Variants in PTPRK observed in about 807,000 individuals in gnomAD.
PTPRK encodes the protein receptor-type tyrosine-protein phosphatase kappa.
Under a neutral mutation model 178.0 loss-of-function variants are expected in PTPRK, and 75 were observed. That is an observed-to-expected ratio of 0.42 (90% CI 0.35 to 0.51). The LOEUF is 0.51. Among genes scored for constraint, PTPRK ranks in the 20% least tolerant of loss-of-function variants. The pLI, the probability that PTPRK is intolerant of heterozygous loss-of-function variation, is 0.02. For synonymous variants in PTPRK, 637 were observed against 620.6 expected (o/e 1.03, Z -0.39); for missense variants, 1,441 against 1,797.8 (o/e 0.80, Z 3.59).
chr6:128,048,550 C>T lies in PTPRK; in HGVS notation c.2194+16208G>A, dbSNP rs76588298. On this transcript the variant is annotated intron_variant, in intron 13 of 29. Coordinates refer to ENST00000368226, the MANE Select transcript of PTPRK (RefSeq NM_002844.4). ...GATAACTGTATATAAAGTAGTAATG[C>T]CCTAGACACATTCTTCCAGTATTTC... Among the ~76,000 whole-genome samples the T allele has an allele frequency of 9.5e-3, 1,440 of 152,268 alleles. 7 individuals carry two copies. Among genetic ancestry groups the T allele is most frequent in the Non-Finnish European group, 0.017 (1,124 of 68,022 alleles).
chr6:128,029,054 A>C (rs540907879), intron 13 of PTPRK, among the ~76,000 whole-genome samples: 6 of 152,118 alleles, frequency 3.9e-5, no homozygotes, highest in African/African-American at 1.2e-4. Flanking sequence ...TCCAAATCTC[A>C]TGCTGAGATG....
intron 1 of PTPRK, among the ~76,000 whole-genome samples, chr6:128,469,903 C>G (rs1850385273): frequency 6.6e-6 from 1 of 152,030 alleles, no homozygotes; most frequent in South Asian, 2.1e-4. Flanking sequence ...CTAGAATAGG[C>G]AAGGAAATGG....
At chr6:128,126,760 G>A (rs1793447684) in intron 7 of PTPRK, among the ~76,000 whole-genome samples, 1 of 152,210 alleles carries the variant, frequency 6.6e-6, no homozygotes, top group Non-Finnish European at 1.5e-5. Flanking sequence ...AAGTGCTGAG[G>A]TTATAGGGGT....
At chr6:128,192,546 G>A (rs546888019) in intron 6 of PTPRK, among the ~76,000 whole-genome samples, 1 of 152,200 alleles carries the variant, frequency 6.6e-6, no homozygotes, top group South Asian at 2.1e-4. Flanking sequence ...TCAGCTGGGA[G>A]CAGTGGCTCA....
At chr6:128,503,381 C>T (rs1463403086) in intron 1 of PTPRK, among the ~76,000 whole-genome samples, 2 of 152,186 alleles carry the variant, frequency 1.3e-5, no homozygotes, top group Non-Finnish European at 2.9e-5. Flanking sequence ...CTTAACTAAT[C>T]ACCCAGGAGT....
intron 14 of PTPRK, among the ~76,000 whole-genome samples, chr6:128,005,831 G>C (rs77488803): frequency 1.6e-5 from 2 of 127,020 alleles, no homozygotes; most frequent in African/African-American, 5.8e-5. Context: ...AAAAGTAGCT[G>C]GACATACAGA....
chr6:128,438,534 A>C (rs898061130), intron 1 of PTPRK, among the ~76,000 whole-genome samples: 1 of 152,232 alleles, frequency 6.6e-6, no homozygotes, highest in Non-Finnish European at 1.5e-5. Context: ...ACTTCTGTCC[A>C]ACTAACTACT....
At chr6:128,188,707 T>C (rs922708466) in intron 6 of PTPRK, among the ~76,000 whole-genome samples, 5 of 152,126 alleles carry the variant, frequency 3.3e-5, no homozygotes, top group Admixed American at 1.3e-4. Context: ...TACCACTCGG[T>C]CAAAATCAAG....
intron 1 of PTPRK, among the ~76,000 whole-genome samples, chr6:128,470,911 CTTT>C (rs35084056): frequency 3.6e-5 from 5 of 137,642 alleles, no homozygotes; most frequent in Non-Finnish European, 3.2e-5. Flanking sequence ...TTCTTTCTTC[CTTT>C]TTTTTTTTTT....
chr6:128,061,880 A>G (rs1780894649), intron 13 of PTPRK, among the ~76,000 whole-genome samples: 1 of 152,106 alleles, frequency 6.6e-6, no homozygotes, highest in Non-Finnish European at 1.5e-5. Flanking sequence ...TTACCTATCT[A>G]CCTATATATC....
intron 6 of PTPRK, among the ~76,000 whole-genome samples, chr6:128,208,971 C>G (rs946349207): frequency 6.6e-6 from 1 of 152,084 alleles, no homozygotes; most frequent in Non-Finnish European, 1.5e-5. Flanking sequence ...ATATCCCAAA[C>G]AAAAATCTAG....
rs1858699315 is a variant in PTPRK, at chr6:128,519,668, G to A, written c.100+591C>T. ...CTCCGCCAACACACACACAGAACAT[G>A]CTCCAAGCAGTGCCCGAGCGCACAG... On this transcript the variant is annotated intron_variant, in intron 1 of 29. Transcript: ENST00000368226. The surrounding 1 kb of genome is among the most constrained non-coding windows in gnomAD (Gnocchi z 4.3). Among the ~76,000 whole-genome samples, 1 of 152,206 alleles carries A rather than the reference G, an allele frequency of 6.6e-6. No homozygotes were observed. The highest frequency in any genetic ancestry group is 1.5e-5 in the Non-Finnish European group (1 of 68,046).
rs113372834 is a variant in PTPRK at position 128,021,768 on chromosome 6, T to C, written c.2195-12500A>G. ...ATTTGAACTTTAAATCACAGCCTAA[T>C]AGAGGTAGGCTGGAGTTTTAGAAGG... On this transcript the variant is annotated intron_variant, in intron 13 of 29. Transcript: ENST00000368226. 9.4e-3 allele frequency among the ~76,000 whole-genome samples: 1,429 copies of C among 152,364 alleles called. 25 individuals carry two copies. The highest frequency in any genetic ancestry group is 0.033 in the African/African-American group (1,366 of 41,586).
intron 7 of PTPRK, among the ~76,000 whole-genome samples, chr6:128,099,372 C>T (rs1372314250): frequency 6.6e-6 from 1 of 151,598 alleles, no homozygotes; most frequent in African/African-American, 2.4e-5. Context: ...CTAAGAGGGC[C>T]CAGTTTTAAG....
chr6:128,082,869 A>G (rs547125431), intron 9 of PTPRK, among the ~76,000 whole-genome samples: 1 of 152,134 alleles, frequency 6.6e-6, no homozygotes, highest in Non-Finnish European at 1.5e-5. Context: ...GACCAAATCA[A>G]TATACATCTA....
In PTPRK at chr6:128,416,867, G is replaced by A. The variant is rs151025926; in HGVS notation, c.101-19179C>T. ...GATAGCAATAGTCTGGGTAAGAGTCGGTGAAGAGCTAAACTAACTCAGGTT... is the reference window on the plus strand; with the variant it reads ...GATAGCAATAGTCTGGGTAAGAGTCAGTGAAGAGCTAAACTAACTCAGGTT... On this transcript the variant is annotated intron_variant, in intron 1 of 29. Transcript: ENST00000368226. Among the ~76,000 whole-genome samples, 495 of 150,958 alleles carry A rather than the reference G, an allele frequency of 3.3e-3. 2 individuals carry two copies. The highest frequency in any genetic ancestry group is 0.011 in the African/African-American group (472 of 41,208).
intron 25 of PTPRK, among the ~76,000 whole-genome samples, chr6:127,977,440 T>G (rs1220163257): frequency 6.6e-6 from 1 of 152,230 alleles, no homozygotes; most frequent in Non-Finnish European, 1.5e-5. Context: ...TCTGAGAGGC[T>G]GAAGGCAAAG....
At chr6:128,399,045 G>T (rs1348336551) in intron 1 of PTPRK, among the ~76,000 whole-genome samples, 1 of 152,108 alleles carries the variant, frequency 6.6e-6, no homozygotes, top group Admixed American at 6.5e-5. Context: ...ATCCAGCAGT[G>T]GGTTTAATGA....
chr6:128,020,775 G>A (rs1468689319), intron 13 of PTPRK, among the ~76,000 whole-genome samples: 2 of 152,248 alleles, frequency 1.3e-5, no homozygotes, highest in Admixed American at 6.5e-5. Context: ...GCTTATTTAC[G>A]AAATGAAGGG....
Sources: gnomAD v4.1 joint callset for allele counts (sites outside exome capture counted in the v4.1 genomes callset) on GRCh38, gnomAD v4.1.1 for gene constraint, Gnocchi (gnomAD v3.1) non-coding constraint, MANE v1.5 for transcripts, NCBI Gene and HGNC (gene_info 2026-07-23, HGNC 2026-07-21) for gene names.